The following CSMD1 variants were observed in gnomAD, a reference collection of about 807,000 sequenced individuals.
CSMD1 encodes CUB and Sushi multiple domains 1, also known as CUB and sushi domain-containing protein 1.
CSMD1 carries 213 observed loss-of-function variants against 417.5 expected under a neutral mutation model. That is an observed-to-expected ratio of 0.51 (90% CI 0.46 to 0.57). The LOEUF is 0.57. CSMD1 is among the 20% of genes least tolerant of loss of function. The pLI, the probability that CSMD1 is intolerant of heterozygous loss-of-function variation, is 0.00. For missense variants in CSMD1, 6,923 were observed against 4,529.7 expected (o/e 1.53, Z -15.17); for synonymous variants, 2,862 against 1,736.8 (o/e 1.65, Z -16.11).
intron 29 of CSMD1, among the ~76,000 whole-genome samples, chr8:3,218,542 T>C (rs1798013728): frequency 7.4e-6 from 1 of 134,624 alleles, no homozygotes; most frequent in Admixed American, 8.3e-5. Context: ...GCCTGCATGA[T>C]AGAGCAAGAC....
intron 2 of CSMD1, among the ~76,000 whole-genome samples, chr8:4,447,141 GACAA>G (rs1798863682): frequency 6.6e-6 from 1 of 152,086 alleles, no homozygotes; most frequent in Non-Finnish European, 1.5e-5. Flanking sequence ...GAATGTTAAA[GACAA>G]ACAACATTTT....
At chr8:4,529,837 G>C (rs1295067433) in intron 2 of CSMD1, among the ~76,000 whole-genome samples, 1 of 150,358 alleles carries the variant, frequency 6.7e-6, no homozygotes, top group African/African-American at 2.4e-5. Flanking sequence ...TTCGTGCATA[G>C]GTTACCGTCA....
At chr8:3,241,174 A>G (rs1258949068) in intron 26 of CSMD1, among the ~76,000 whole-genome samples, 2 of 151,698 alleles carry the variant, frequency 1.3e-5, no homozygotes, top group Non-Finnish European at 2.9e-5. Flanking sequence ...TAATTTAGTT[A>G]AAGTGTCTCG....
At chr8:3,500,857 T>C (rs1796571429) in intron 10 of CSMD1, among the ~76,000 whole-genome samples, 1 of 152,152 alleles carries the variant, frequency 6.6e-6, no homozygotes, top group Admixed American at 6.5e-5. Flanking sequence ...GTTCTGCAGA[T>C]CTCTCAGGTA....
intron 2 of CSMD1, among the ~76,000 whole-genome samples, chr8:4,536,035 G>C (rs930258404): frequency 1.3e-5 from 2 of 151,962 alleles, no homozygotes; most frequent in Non-Finnish European, 2.9e-5. Context: ...CATTATTTTT[G>C]AAAACAGCTG....
intron 6 of CSMD1, among the ~76,000 whole-genome samples, chr8:3,717,034 T>G (rs547987381): frequency 6.6e-6 from 1 of 152,084 alleles, no homozygotes; most frequent in South Asian, 2.1e-4. Flanking sequence ...AAGCTTGAAA[T>G]GGTAGAAGCA....
intron 7 of CSMD1, among the ~76,000 whole-genome samples, chr8:3,677,585 A>G (rs1256054774): frequency 1.3e-5 from 2 of 152,148 alleles, no homozygotes; most frequent in Non-Finnish European, 2.9e-5. Context: ...TAGATTCACG[A>G]AAGCCTAAGA....
chr8:4,845,909 G>T lies in CSMD1; in HGVS notation c.85+148423C>A, dbSNP rs114490565. On this transcript the variant is annotated intron_variant, in intron 1 of 69. Transcript: ENST00000635120. Reference sequence around the variant, plus strand: ...CACCGTGGCTAACTAAAATGACAAGGTTACGCTAGCCTATGAACTTTGCCT... The same window carrying T: ...CACCGTGGCTAACTAAAATGACAAGTTTACGCTAGCCTATGAACTTTGCCT... 7.6e-3 allele frequency among the ~76,000 whole-genome samples: 1,150 copies of T among 151,968 alleles called. 17 individuals carry two copies. The highest frequency in any genetic ancestry group is 0.027 in the African/African-American group (1,108 of 41,344).
intron 2 of CSMD1, among the ~76,000 whole-genome samples, chr8:4,632,345 T>A (rs754908613): frequency 1.3e-5 from 2 of 151,858 alleles, no homozygotes; most frequent in Admixed American, 6.6e-5. Flanking sequence ...AAACCCCGTC[T>A]CTACTAAAAA....
intron 3 of CSMD1, among the ~76,000 whole-genome samples, chr8:4,237,533 ACT>A (rs1802140513): frequency 1.8e-5 from 1 of 54,182 alleles, no homozygotes; most frequent in Admixed American, 2.6e-4. Flanking sequence ...AGTCAATACT[ACT>A]TTTTTTTTTT....
intron 12 of CSMD1, among the ~76,000 whole-genome samples, chr8:3,445,930 A>T (rs1815275316): frequency 6.6e-6 from 1 of 152,228 alleles, no homozygotes; most frequent in African/African-American, 2.4e-5. Flanking sequence ...AAGATTGTAC[A>T]GAGAGACAGA....
At chr8:4,070,634 G>A (rs999788718) in intron 3 of CSMD1, among the ~76,000 whole-genome samples, 26 of 152,128 alleles carry the variant, frequency 1.7e-4, no homozygotes, top group Admixed American at 1.1e-3. Context: ...TGGGATTACA[G>A]GCGTGAGCCA....
intron 6 of CSMD1, among the ~76,000 whole-genome samples, chr8:3,750,040 A>C (rs1797256360): frequency 2.6e-5 from 4 of 152,102 alleles, no homozygotes; most frequent in African/African-American, 9.7e-5. Context: ...GTCATTATTG[A>C]GTTCTTTATG....
intron 3 of CSMD1, among the ~76,000 whole-genome samples, chr8:4,330,497 G>A (rs1273345417): frequency 6.6e-6 from 1 of 151,902 alleles, no homozygotes; most frequent in Admixed American, 6.6e-5. Flanking sequence ...GGCTGAGACA[G>A]GAGGATCACT....
At position 3,740,014 on chromosome 8, in the gene CSMD1, A is replaced by G. The variant is rs2720833; in HGVS notation, c.931+13916T>C. 4.6e-3 allele frequency among the ~76,000 whole-genome samples: 696 copies of G among 152,330 alleles called. 24 individuals are homozygous for G. In the East Asian group the frequency reaches 0.076, roughly 17 times the overall value. On this transcript the variant is annotated intron_variant, in intron 6 of 69. Transcript: ENST00000635120. Reference sequence around the variant, plus strand: ...ATTGTCTTGGTCTCTTCTGGGAGTCATTGAAATACCAATAAAATTCGTAGC... The same window carrying G: ...ATTGTCTTGGTCTCTTCTGGGAGTCGTTGAAATACCAATAAAATTCGTAGC...
At chr8:4,058,101 T>G (rs564975419) in intron 3 of CSMD1, among the ~76,000 whole-genome samples, 14 of 152,278 alleles carry the variant, frequency 9.2e-5, no homozygotes, top group South Asian at 4.1e-4. Context: ...GGGGATGGCA[T>G]TGAATCTATA....
At chr8:3,606,081 C>G (rs1801597787) in intron 8 of CSMD1, among the ~76,000 whole-genome samples, 1 of 152,078 alleles carries the variant, frequency 6.6e-6, no homozygotes, top group Non-Finnish European at 1.5e-5. Flanking sequence ...ATGTATAAAA[C>G]TCAAAGATGC....
intron 1 of CSMD1, among the ~76,000 whole-genome samples, chr8:4,768,944 A>C (rs1270398815): frequency 6.6e-6 from 1 of 152,188 alleles, no homozygotes; most frequent in South Asian, 2.1e-4. Context: ...CATTTACCTA[A>C]AAGTCAGGTA....
intron 1 of CSMD1, among the ~76,000 whole-genome samples, chr8:4,991,935 C>G (rs1811487886): frequency 6.6e-6 from 1 of 152,150 alleles, no homozygotes; most frequent in African/African-American, 2.4e-5. Context: ...GCCTCGTGGG[C>G]CAGACAATAG....
Sources: allele counts gnomAD v4.1 joint callset (sites outside exome capture counted in the v4.1 genomes callset), GRCh38; gene constraint gnomAD v4.1.1; transcripts MANE v1.5; gene names NCBI Gene and HGNC (gene_info 2026-07-23, HGNC 2026-07-21).